ACCSL: variants seen among roughly 807,000 people sequenced by gnomAD.
ACCSL encodes probable inactive 1-aminocyclopropane-1-carboxylate synthase-like protein 2.
A neutral mutation model predicts 61.7 loss-of-function variants in ACCSL; 55 were observed. The ratio of observed to expected loss-of-function variants is 0.89; its 90% CI spans 0.72 to 1.12. The LOEUF (loss-of-function observed/expected upper bound fraction) is 1.12, where lower values mean the gene tolerates loss of function less well. Among genes scored for constraint, ACCSL ranks in the 50% most tolerant of loss-of-function variants. The pLI is 0.00. For synonymous variants in ACCSL, 258 were observed against 264.3 expected, an observed-to-expected ratio of 0.98 and a Z score of 0.23; for missense variants, 632 against 698.0, an observed-to-expected ratio of 0.91 and a Z score of 1.07.
chr11:44,012,984 G>A, the ACCSL span, among the ~76,000 whole-genome samples: 1 of 152,142 alleles, frequency 6.6e-6, no homozygotes, highest in Non-Finnish European at 1.5e-5. Context: ...CCAAGGGTGA[G>A]AAACCCTGGG....
chr11:44,022,024 A>C, the ACCSL span, among the ~76,000 whole-genome samples: 1 of 151,950 alleles, frequency 6.6e-6, no homozygotes, highest in Non-Finnish European at 1.5e-5. Context: ...CTATAGCTTT[A>C]TAGTATAGTT....
intron 13 of ACCSL, 129 bp from the exon 14 acceptor site, chr11:44,059,709 T>G: frequency 1.5e-6 from 1 of 645,586 alleles, no homozygotes; most frequent in Non-Finnish European, 2.7e-6. Context: ...ATCCCAAAGG[T>G]GGGAGGGCTG....
At chr11:43,952,764 C>T in the ACCSL span, among the ~76,000 whole-genome samples, 1 of 152,188 alleles carries the variant, frequency 6.6e-6, no homozygotes, top group African/African-American at 2.4e-5. Flanking sequence ...TTCTTTAACT[C>T]GGTGTCTGAG....
At chr11:43,931,334 A>C in the ACCSL span, among the ~76,000 whole-genome samples, 4,450 of 152,160 alleles carry the variant, frequency 0.029, 226 homozygotes, top group African/African-American at 0.1. Flanking sequence ...CCACCGCAAG[A>C]CTCTACTGCA....
At chr11:43,949,393 A>G in the ACCSL span, among the ~76,000 whole-genome samples, 93,595 of 152,134 alleles carry the variant, frequency 0.62, 29,035 homozygotes, top group East Asian at 0.8. Context: ...TGTACCTATA[A>G]GGTATGAAAG....
At chr11:43,993,604 T>C in the ACCSL span, among the ~76,000 whole-genome samples, 1 of 152,302 alleles carries the variant, frequency 6.6e-6, no homozygotes, top group East Asian at 1.9e-4. Flanking sequence ...CTTCCAGCCA[T>C]TGGAAGCTGA....
upstream of ACCSL, among the ~76,000 whole-genome samples, chr11:44,046,174 T>G (rs1427322534): frequency 6.6e-6 from 1 of 152,224 alleles, no homozygotes; most frequent in Non-Finnish European, 1.5e-5. Flanking sequence ...GGCAAAGTTC[T>G]TGCTTGTGGA....
the ACCSL span, among the ~76,000 whole-genome samples, chr11:43,940,642 G>A: frequency 6.6e-6 from 1 of 152,086 alleles, no homozygotes. Context: ...TTACAGGCGT[G>A]AGCCACCGCA....
At chr11:44,055,925 C>A in intron 9 of ACCSL, 115 bp from the exon 10 acceptor site, 1 of 1,173,268 alleles carries the variant, frequency 8.5e-7, no homozygotes, top group Non-Finnish European at 1.2e-6. Flanking sequence ...GAGCTTTGGG[C>A]CCTATAGGCC....
the ACCSL span, among the ~76,000 whole-genome samples, chr11:43,964,968 A>G: frequency 6.6e-6 from 1 of 152,236 alleles, no homozygotes; most frequent in Non-Finnish European, 1.5e-5. Context: ...ACATTTATGA[A>G]ATACCCGTAG....
At chr11:44,051,844 C>A in intron 5 of ACCSL, 125 bp downstream of exon 5, 1 of 1,070,022 alleles carries the variant, frequency 9.3e-7, no homozygotes. Context: ...AAGTGGTGGG[C>A]CTTCTCCCAC....
rs372402296 is a variant in ACCSL at position 44,056,251 on chromosome 11, G to A, written c.1252G>A (p.Val418Met). The A allele has an allele frequency of 1.8e-4, 293 of 1,614,228 alleles. 1 individual carries two copies. The South Asian group carries it at 3.1e-3, about 17-fold the overall frequency. Residue 418 changes from valine (V) to methionine (M), a missense_variant, in exon 11 of 14, where the codon GTG becomes ATG. Transcript: ENST00000378832. ...CCACAACAAGGAGGTGGCCTCTGCT[G>A]TGAGTGCCTTTGGCTACCTCCACAG... ...YTHNKEVASA[V>M]SAFGYLHSIS... is the part of the protein sequence containing the mutation.
chr11:44,009,277 T>G, the ACCSL span, among the ~76,000 whole-genome samples: 1 of 152,154 alleles, frequency 6.6e-6, no homozygotes, highest in Non-Finnish European at 1.5e-5. Flanking sequence ...GGCCTTTGCT[T>G]CTCCCAGCTG....
chr11:43,924,367 G>A, the ACCSL span, among the ~76,000 whole-genome samples: 1 of 152,226 alleles, frequency 6.6e-6, no homozygotes, highest in Non-Finnish European at 1.5e-5. Flanking sequence ...TGGGTGGTAG[G>A]AGCGCTGCAG....
At chr11:44,008,736 C>T in the ACCSL span, among the ~76,000 whole-genome samples, 3 of 152,230 alleles carry the variant, frequency 2.0e-5, no homozygotes, top group Non-Finnish European at 4.4e-5. Flanking sequence ...ATCTGAGGCA[C>T]CTAGTGACAT....
the ACCSL span, among the ~76,000 whole-genome samples, chr11:43,935,523 G>T: frequency 2.0e-3 from 306 of 152,370 alleles, 4 homozygotes; most frequent in Non-Finnish European, 3.1e-3. Context: ...TGTAAAGTGG[G>T]GTGATGCTTG....
the ACCSL span, among the ~76,000 whole-genome samples, chr11:44,016,927 C>G: frequency 1.3e-5 from 2 of 152,184 alleles, no homozygotes; most frequent in Non-Finnish European, 2.9e-5. Flanking sequence ...GAGACCCCTC[C>G]AGCACTGAGA....
chr11:44,046,890 T>C (rs981262041), upstream of ACCSL, among the ~76,000 whole-genome samples: 9 of 152,296 alleles, frequency 5.9e-5, no homozygotes, highest in Admixed American at 5.9e-4. Context: ...AAGGTATTTT[T>C]TGGTCTCGTT....
chr11:43,984,259 A>G, the ACCSL span, among the ~76,000 whole-genome samples: 1 of 152,158 alleles, frequency 6.6e-6, no homozygotes, highest in Non-Finnish European at 1.5e-5. Flanking sequence ...TGATGCAATG[A>G]TTTCATTATC....
Sources: allele counts gnomAD v4.1 joint callset (sites outside exome capture counted in the v4.1 genomes callset), GRCh38; gene constraint gnomAD v4.1.1; transcripts MANE v1.5; gene names NCBI Gene and HGNC (gene_info 2026-07-23, HGNC 2026-07-21).